The following SPAG16 variants were observed in gnomAD, a reference collection of about 807,000 sequenced individuals.
SPAG16 encodes sperm associated antigen 16.
Under a neutral mutation model 80.4 loss-of-function variants are expected in SPAG16, and 86 were observed. The observed-to-expected ratio is 1.07, with a 90% CI of 0.90 to 1.28. SPAG16 has a LOEUF of 1.28. Among genes scored for constraint, SPAG16 ranks in the 50% most tolerant of loss-of-function variants. SPAG16 has a pLI of 0.00. For synonymous variants in SPAG16, 294 were observed against 265.9 expected (o/e 1.11, Z -1.03); for missense variants, 870 against 765.3 (o/e 1.14, Z -1.61).
chr2:213,871,375 T>C (rs941972260), intron 11 of SPAG16, among the ~76,000 whole-genome samples: 10 of 152,024 alleles, frequency 6.6e-5, no homozygotes, highest in African/African-American at 2.4e-4. Context: ...AAGGAGCACT[T>C]ATTCAAGAAA....
chr2:213,600,544 A>G (rs1230765641), intron 10 of SPAG16, among the ~76,000 whole-genome samples: 1 of 152,218 alleles, frequency 6.6e-6, no homozygotes, highest in African/African-American at 2.4e-5. Context: ...ATGAAAGTAT[A>G]GTATAGATAA....
chr2:213,932,172 A>G (rs1363826818), intron 12 of SPAG16, among the ~76,000 whole-genome samples: 4 of 21,210 alleles, frequency 1.9e-4, no homozygotes, highest in African/African-American at 3.1e-4. Flanking sequence ...ATATATATAT[A>G]TATATATATA....
At chr2:213,913,314 G>T (rs1443835032) in intron 11 of SPAG16, among the ~76,000 whole-genome samples, 2 of 151,596 alleles carry the variant, frequency 1.3e-5, no homozygotes, top group African/African-American at 2.4e-5. Flanking sequence ...GATTTTCATT[G>T]TTTGCTAATA....
At chr2:213,701,610 A>C (rs2065425260) in intron 10 of SPAG16, among the ~76,000 whole-genome samples, 1 of 152,192 alleles carries the variant, frequency 6.6e-6, no homozygotes, top group Admixed American at 6.5e-5. Context: ...TGAGGAGTGC[A>C]GGTGCGTGGC....
intron 15 of SPAG16, among the ~76,000 whole-genome samples, chr2:214,295,277 C>T (rs1475334932): frequency 1.3e-5 from 2 of 152,200 alleles, no homozygotes; most frequent in Non-Finnish European, 2.9e-5. Context: ...TCAATGCCTG[C>T]TTTGTTATAC....
chr2:214,051,800 G>A (rs2049658463), intron 13 of SPAG16, among the ~76,000 whole-genome samples: 1 of 152,122 alleles, frequency 6.6e-6, no homozygotes, highest in Non-Finnish European at 1.5e-5. Context: ...AGCCTTAATG[G>A]TTGATCTGCA....
At chr2:213,359,116 A>G (rs1375280774) in intron 7 of SPAG16, among the ~76,000 whole-genome samples, 1 of 152,176 alleles carries the variant, frequency 6.6e-6, no homozygotes, top group East Asian at 1.9e-4. Context: ...GCAGAGCAGC[A>G]AATATTGCTG....
At chr2:213,560,100 G>A (rs2059557070) in intron 10 of SPAG16, among the ~76,000 whole-genome samples, 1 of 151,856 alleles carries the variant, frequency 6.6e-6, no homozygotes, top group African/African-American at 2.4e-5. Context: ...AAATGCAAAT[G>A]TTTAAAACTA....
chr2:214,070,352 A>G (rs2050731543), intron 13 of SPAG16, among the ~76,000 whole-genome samples: 1 of 152,090 alleles, frequency 6.6e-6, no homozygotes, highest in Non-Finnish European at 1.5e-5. Flanking sequence ...TGTTTACAAC[A>G]AATGTAATTC....
At chr2:214,203,975 C>T (rs984236880) in intron 15 of SPAG16, among the ~76,000 whole-genome samples, 3 of 152,176 alleles carry the variant, frequency 2.0e-5, no homozygotes, top group African/African-American at 7.2e-5. Flanking sequence ...GAAACAAACT[C>T]AGTACCGTTG....
chr2:214,030,810 A>G (rs1283873159), intron 13 of SPAG16, among the ~76,000 whole-genome samples: 19 of 152,140 alleles, frequency 1.2e-4, no homozygotes, highest in Non-Finnish European at 1.0e-4. Flanking sequence ...TCCCACCTCA[A>G]GGGTTTTCAT....
In SPAG16 at chr2:213,284,560, C is replaced by G; in HGVS notation, c.77C>G (p.Ala26Gly). 2.5e-6 allele frequency: 4 copies of G among 1,607,448 alleles called. No homozygotes were observed. Among genetic ancestry groups the G allele is most frequent in the Non-Finnish European group, 3.4e-6 (4 of 1,177,366 alleles). The change falls in exon 1 of 16, where the codon GCC becomes GGC. Residue 26 changes from alanine (A) to glycine (G), a missense_variant. Coordinates refer to ENST00000331683, the MANE Select transcript of SPAG16 (RefSeq NM_024532.5). Reference protein sequence around the residue: ...EEALGMGLTAAGDARDTADAV... With the variant: ...EEALGMGLTAGGDARDTADAV... ...GCGTTGGGCATGGGTTTGACGGCAG[C>G]CGGGGACGCGAGGGACACGGCGGAC...
intron 15 of SPAG16, among the ~76,000 whole-genome samples, chr2:214,313,743 T>C (rs1695489227): frequency 6.6e-6 from 1 of 152,116 alleles, no homozygotes; most frequent in African/African-American, 2.4e-5. Flanking sequence ...AAAATAAAAG[T>C]CCTGAAATGA....
chr2:213,297,051 G>T, intron 2 of SPAG16: 1 of 1,384,896 alleles, frequency 7.2e-7, no homozygotes, highest in Admixed American at 2.4e-5. Context: ...AACTAATCCT[G>T]AATTTATTAG....
intron 15 of SPAG16, among the ~76,000 whole-genome samples, chr2:214,275,924 G>T (rs1398299093): frequency 6.6e-6 from 1 of 152,164 alleles, no homozygotes; most frequent in Non-Finnish European, 1.5e-5. Flanking sequence ...TTGTGTGGGA[G>T]TCTAAGTCTC....
At chr2:213,943,858 C>G (rs2106297274) in intron 12 of SPAG16, among the ~76,000 whole-genome samples, 1 of 152,268 alleles carries the variant, frequency 6.6e-6, no homozygotes, top group Non-Finnish European at 1.5e-5. Context: ...TCAGACATCT[C>G]AACAGAAGCC....
intron 11 of SPAG16, among the ~76,000 whole-genome samples, chr2:213,883,526 C>T (rs1248198931): frequency 6.6e-6 from 1 of 152,040 alleles, no homozygotes; most frequent in Admixed American, 6.6e-5. Flanking sequence ...TTATTAGGTC[C>T]ATTTGCTTAA....
chr2:213,754,582 A>T (rs1278739304), intron 10 of SPAG16, among the ~76,000 whole-genome samples: 2 of 152,222 alleles, frequency 1.3e-5, no homozygotes, highest in Non-Finnish European at 2.9e-5. Flanking sequence ...AGCTTATGAG[A>T]TCTAAATTTG....
chr2:213,846,397 T>C (rs533486670), intron 10 of SPAG16, among the ~76,000 whole-genome samples: 55 of 152,060 alleles, frequency 3.6e-4, no homozygotes, highest in Non-Finnish European at 4.3e-4. Flanking sequence ...TAGAATAAGA[T>C]GTATTTTAAC....
Sources: allele counts gnomAD v4.1 joint callset (sites outside exome capture counted in the v4.1 genomes callset), GRCh38; gene constraint gnomAD v4.1.1; transcripts MANE v1.5; gene names NCBI Gene and HGNC (gene_info 2026-07-23, HGNC 2026-07-21).